KCNQ3: variants seen among roughly 807,000 people sequenced by gnomAD.
KCNQ3 encodes the protein potassium voltage-gated channel subfamily Q member 3.
In KCNQ3, 30 loss-of-function variants were observed where a neutral mutation model predicts 92.5. That is an observed-to-expected ratio of 0.32 (90% CI 0.24 to 0.44). The LOEUF (loss-of-function observed/expected upper bound fraction) is 0.44. KCNQ3 is among the 20% of genes least tolerant of loss of function. The probability of loss-of-function intolerance (pLI) is 1.00; values close to 1 mark genes in which losing one functional copy is unlikely to be tolerated. For missense variants in KCNQ3, 913 were observed against 1,140.3 expected, an observed-to-expected ratio of 0.80 and a Z score of 2.87; for synonymous variants, 450 against 468.8, an observed-to-expected ratio of 0.96 and a Z score of 0.52.
rs372611880 is a variant in KCNQ3 at position 132,290,668 on chromosome 8, C to T, written c.387-104487G>A. Among the ~76,000 whole-genome samples, 9 of 152,182 alleles carry T rather than the reference C, an allele frequency of 5.9e-5. No homozygotes were observed. In the East Asian group the frequency reaches 1.2e-3, roughly 20 times the overall value. ...GATGTGGAGGGTGAGAAATAGGTTT[C>T]GTGGATGTTTTAAATTTCTGGTAGG... On this transcript the variant is annotated intron_variant, in intron 1 of 14. Coordinates refer to ENST00000388996, the MANE Select transcript of KCNQ3 (RefSeq NM_004519.4).
chr8:132,220,713 C>T (rs934945933), intron 1 of KCNQ3, among the ~76,000 whole-genome samples: 1 of 152,058 alleles, frequency 6.6e-6, no homozygotes, highest in Non-Finnish European at 1.5e-5. Flanking sequence ...GGCATGACTG[C>T]TTTCCAGCCT....
At chr8:132,196,275 C>G (rs4266631) in intron 1 of KCNQ3, among the ~76,000 whole-genome samples, 17,888 of 152,160 alleles carry the variant, frequency 0.12, 1,974 homozygotes, top group African/African-American at 0.29. Flanking sequence ...TCATTATATG[C>G]CAAGAGTTAG....
intron 1 of KCNQ3, among the ~76,000 whole-genome samples, chr8:132,325,028 C>T (rs1414408568): frequency 6.6e-6 from 1 of 151,020 alleles, no homozygotes; most frequent in Non-Finnish European, 1.5e-5. Context: ...ATCAGGGCAG[C>T]TTGTTCCCTG....
intron 1 of KCNQ3, among the ~76,000 whole-genome samples, chr8:132,209,222 C>A (rs993931519): frequency 2.0e-5 from 3 of 152,260 alleles, no homozygotes; most frequent in South Asian, 4.1e-4. Context: ...CTAGCCTCTG[C>A]CTGTCTCCTC....
At chr8:132,368,770 A>G (rs1205971164) in intron 1 of KCNQ3, among the ~76,000 whole-genome samples, 1 of 152,254 alleles carries the variant, frequency 6.6e-6, no homozygotes, top group Non-Finnish European at 1.5e-5. Flanking sequence ...AGTAACTGAA[A>G]ACTTGAGAAG....
chr8:132,290,127 A>T (rs1208460232), intron 1 of KCNQ3, among the ~76,000 whole-genome samples: 1 of 152,236 alleles, frequency 6.6e-6, no homozygotes, highest in Non-Finnish European at 1.5e-5. Flanking sequence ...TTTCATATCA[A>T]ATCTGAAATC....
intron 1 of KCNQ3, among the ~76,000 whole-genome samples, chr8:132,365,022 T>C (rs541351061): frequency 7.2e-5 from 11 of 152,278 alleles, no homozygotes; most frequent in Non-Finnish European, 1.5e-4. Context: ...TGACAGAGAA[T>C]AGCAACAGGA....
chr8:132,136,203 C>T (rs1825085662), intron 12 of KCNQ3, among the ~76,000 whole-genome samples: 1 of 143,834 alleles, frequency 7.0e-6, no homozygotes, highest in Non-Finnish European at 1.5e-5. Flanking sequence ...GCATCATTAA[C>T]TTCCAACCCA....
chr8:132,180,835 T>TAA (rs11404512), intron 3 of KCNQ3, among the ~76,000 whole-genome samples: 8,168 of 143,428 alleles, frequency 0.057, 304 homozygotes, highest in South Asian at 0.12. Flanking sequence ...GAGAGAATGT[T>TAA]AAAAAAAAAA....
chr8:132,433,277 G>A (rs1451285621), intron 1 of KCNQ3, among the ~76,000 whole-genome samples: 9 of 152,098 alleles, frequency 5.9e-5, no homozygotes, highest in Non-Finnish European at 1.2e-4. Context: ...TCAATGAAAA[G>A]CCACCACTAG....
intron 1 of KCNQ3, among the ~76,000 whole-genome samples, chr8:132,448,502 G>GAAAAAAAAAAAAAAAAAAAAGAGAAAA (rs1821741502): frequency 2.1e-5 from 2 of 93,884 alleles, no homozygotes; most frequent in East Asian, 3.3e-4. Flanking sequence ...GGAGAAATAT[G>GAAAAAAAAAAAAAAAAAAAAGAGAAAA]AAAAAAAAAA....
chr8:132,347,003 C>G (rs116973192), intron 1 of KCNQ3, among the ~76,000 whole-genome samples: 5,350 of 152,250 alleles, frequency 0.035, 124 homozygotes, highest in Non-Finnish European at 0.054. Flanking sequence ...GGAACTCCTT[C>G]TAGGTGAAGA....
intron 1 of KCNQ3, among the ~76,000 whole-genome samples, chr8:132,238,754 G>A (rs537168398): frequency 3.0e-4 from 46 of 152,100 alleles, no homozygotes; most frequent in Non-Finnish European, 5.3e-4. Context: ...TGAGGCTCAC[G>A]AGCAAATTCT....
At chr8:132,330,241 G>T (rs959015853) in intron 1 of KCNQ3, among the ~76,000 whole-genome samples, 4 of 152,216 alleles carry the variant, frequency 2.6e-5, no homozygotes, top group African/African-American at 9.6e-5. Flanking sequence ...GTCCCATAGA[G>T]CTCCCAGAGT....
intron 8 of KCNQ3, among the ~76,000 whole-genome samples, chr8:132,169,578 T>C (rs550329764): frequency 1.3e-5 from 2 of 152,202 alleles, no homozygotes; most frequent in Non-Finnish European, 2.9e-5. Flanking sequence ...GAGTAGTCTG[T>C]GGGTGCAGGC....
intron 1 of KCNQ3, among the ~76,000 whole-genome samples, chr8:132,396,781 T>C (rs1205414424): frequency 1.3e-5 from 2 of 152,172 alleles, no homozygotes; most frequent in Non-Finnish European, 2.9e-5. Context: ...TGGGTGGGCC[T>C]GAGCTAATCA....
At chr8:132,299,752 A>T (rs1586907539) in intron 1 of KCNQ3, among the ~76,000 whole-genome samples, 1 of 151,426 alleles carries the variant, frequency 6.6e-6, no homozygotes, top group East Asian at 2.0e-4. Flanking sequence ...TGTAGATCCC[A>T]TTGCCTCTTC....
At chr8:132,379,352 A>G (rs1819686464) in intron 1 of KCNQ3, among the ~76,000 whole-genome samples, 1 of 152,164 alleles carries the variant, frequency 6.6e-6, no homozygotes, top group Non-Finnish European at 1.5e-5. Flanking sequence ...GAAAGAGCAA[A>G]TGATGTAACA....
chr8:132,283,639 C>T (rs746760593), intron 1 of KCNQ3, among the ~76,000 whole-genome samples: 5 of 152,196 alleles, frequency 3.3e-5, no homozygotes, highest in Middle Eastern at 3.2e-3. Context: ...CCCTTGTCAT[C>T]GGTACCCTAT....
Sources: allele counts gnomAD v4.1 joint callset (sites outside exome capture counted in the v4.1 genomes callset), GRCh38; gene constraint gnomAD v4.1.1; transcripts MANE v1.5; gene names NCBI Gene and HGNC (gene_info 2026-07-23, HGNC 2026-07-21).